The following TEX29 variants were observed in gnomAD, a reference collection of about 807,000 sequenced individuals.
The protein encoded by TEX29 is testis expressed 29.
In TEX29, 26 loss-of-function variants were observed where a neutral mutation model predicts 18.2. That is an observed-to-expected ratio of 1.43 (90% confidence interval 1.04 to 1.98). The LOEUF (loss-of-function observed/expected upper bound fraction) is 1.98, where lower values mean the gene tolerates loss of function less well. Ranked by LOEUF, TEX29 falls within the 30% of genes most tolerant of loss-of-function variation. The pLI, the probability that TEX29 is intolerant of heterozygous loss-of-function variation, is 0.00. For missense variants in TEX29, 177 were observed against 194.2 expected (o/e 0.91, Z 0.53); for synonymous variants, 83 against 78.5 (o/e 1.06, Z -0.31).
chr13:111,339,660 C>T (rs112593851), intron 3 of TEX29, among the ~76,000 whole-genome samples: 11 of 152,226 alleles, frequency 7.2e-5, no homozygotes, highest in African/African-American at 2.6e-4. Flanking sequence ...CACAGGGAGC[C>T]CTCGCCTGCC....
chr13:111,333,919 G>A lies in TEX29; in HGVS notation c.169+5626G>A, dbSNP rs561857876. ...GCTTGACATGTGAGAATTACAATTC[G>A]AGATGAGATTTGAGTGGGTCACAGA... On this transcript the variant is annotated intron_variant, in intron 3 of 5. Coordinates refer to ENST00000283547, the MANE Select transcript of TEX29 (RefSeq NM_152324.3). 1.3e-4 allele frequency among the ~76,000 whole-genome samples: 20 copies of A among 152,286 alleles called. No homozygotes were observed. The East Asian group carries it at 3.9e-3, about 29-fold the overall frequency.
intron 3 of TEX29, among the ~76,000 whole-genome samples, chr13:111,332,158 T>G (rs979006671): frequency 1.3e-5 from 2 of 152,212 alleles, no homozygotes; most frequent in Non-Finnish European, 2.9e-5. Flanking sequence ...CTTAACACAA[T>G]ATTAAGTGTT....
upstream of TEX29, among the ~76,000 whole-genome samples, chr13:111,320,355 G>T (rs1257382632): frequency 6.6e-6 from 1 of 152,234 alleles, no homozygotes; most frequent in Non-Finnish European, 1.5e-5. Flanking sequence ...CACAAAGGAA[G>T]GGAGGGACAG....
intron 2 of TEX29, 52 bp from the exon 3 acceptor site, chr13:111,328,131 A>T (rs2479955): frequency 5.1e-6 from 6 of 1,186,590 alleles, no homozygotes; most frequent in Non-Finnish European, 6.3e-6. Context: ...AGCGGAGAGC[A>T]GAGTGGCTTT....
intron 2 of TEX29, among the ~76,000 whole-genome samples, chr13:111,321,534 C>T (rs1005347687): frequency 7.9e-5 from 12 of 152,166 alleles, no homozygotes; most frequent in Admixed American, 2.6e-4. Context: ...ATGCCACCTT[C>T]CATGGCTCAG....
At chr13:111,340,007 C>A (rs2093695360) in intron 4 of TEX29, 75 bp downstream of exon 4, 3 of 1,447,268 alleles carry the variant, frequency 2.1e-6, no homozygotes, top group Non-Finnish European at 2.9e-6. Flanking sequence ...TTCCTGCCTG[C>A]CTGGGCTCCT....
intron 3 of TEX29, among the ~76,000 whole-genome samples, chr13:111,338,189 C>A (rs2093692241): frequency 6.6e-6 from 1 of 152,098 alleles, no homozygotes; most frequent in Non-Finnish European, 1.5e-5. Context: ...TCCCTGGTAC[C>A]TGTGAATGTG....
At chr13:111,338,276 A>G (rs192231058) in intron 3 of TEX29, among the ~76,000 whole-genome samples, 6 of 152,322 alleles carry the variant, frequency 3.9e-5, no homozygotes, top group African/African-American at 1.4e-4. Flanking sequence ...TGAGCCCTCC[A>G]TCCAAAATGG....
At chr13:111,336,900 G>T (rs1470433719) in intron 3 of TEX29, among the ~76,000 whole-genome samples, 1 of 152,226 alleles carries the variant, frequency 6.6e-6, no homozygotes, top group African/African-American at 2.4e-5. Flanking sequence ...CACGTAGGAA[G>T]ATACGGGAGA....
intron 3 of TEX29, among the ~76,000 whole-genome samples, chr13:111,335,698 G>A (rs72655806): frequency 0.15 from 22,723 of 152,146 alleles, 1,936 homozygotes; most frequent in Non-Finnish European, 0.19. Context: ...AGTGGCAATC[G>A]TTAGCATCCA....
At chr13:111,326,294 C>T (rs113421979) in intron 2 of TEX29, among the ~76,000 whole-genome samples, 2 of 73,206 alleles carry the variant, frequency 2.7e-5, no homozygotes, top group Middle Eastern at 8.9e-3. Flanking sequence ...GAAGAGACTG[C>T]GGGCAGTGTG....
At chr13:111,343,002 C>T (rs1342587197) in intron 5 of TEX29, 71 bp downstream of exon 5, 9 of 1,541,740 alleles carry the variant, frequency 5.8e-6, no homozygotes, top group Admixed American at 3.6e-5. Context: ...GAGACCTTCC[C>T]TGGGAAGGGG....
intron 2 of TEX29, among the ~76,000 whole-genome samples, chr13:111,326,026 G>A (rs1005608219): frequency 1.3e-5 from 2 of 152,206 alleles, no homozygotes; most frequent in African/African-American, 4.8e-5. Context: ...GGTGGGGAGG[G>A]CGCCTGGCAC....
At position 111,344,134 on chromosome 13, in the gene TEX29, T is replaced by G; in HGVS notation, c.*11T>G. The G allele has an allele frequency of 1.2e-6, 2 of 1,611,038 alleles. No homozygotes were observed. Among genetic ancestry groups the G allele is most frequent in the Non-Finnish European group, 1.7e-6 (2 of 1,177,470 alleles). ...GAAACTGAGGACTGACTGAGACGCA[T>G]GAAGAAGTGGAGATTGTCAGAATTA... On this transcript the variant is annotated 3_prime_UTR_variant, in exon 6 of 6. Transcript: ENST00000283547.
chr13:111,339,884 C>A lies in TEX29; in HGVS notation c.191C>A (p.Ala64Asp), dbSNP rs900379735. 11 of 1,610,408 alleles carry A rather than the reference C, an allele frequency of 6.8e-6. No homozygotes were observed. Among genetic ancestry groups the A allele is most frequent in the South Asian group, 2.2e-5 (2 of 91,080 alleles). ...AVPIYIHVFS[A>D]LIVIIAGAFV... is the part of the protein sequence containing the mutation. ...TCAGTTTACATCCACGTGTTCTCTG[C>A]CTTGATTGTGATCATCGCTGGGGCC... Residue 64 changes from alanine (A) to aspartate (D), a missense_variant, in exon 4 of 6, where the codon GCC (alanine) becomes GAC (aspartate). Coordinates refer to ENST00000283547, the MANE Select transcript of TEX29 (RefSeq NM_152324.3).
In TEX29 at chr13:111,320,997, G is replaced by GC. The variant is rs772080929; in HGVS notation, c.58+49_58+50insC. 22 of 1,072,784 alleles carry GC rather than the reference G, an allele frequency of 2.1e-5. No homozygotes were observed. In the East Asian group the frequency reaches 5.3e-4, roughly 26 times the overall value. 66.5% of individuals were successfully genotyped at this position (1,072,784 alleles called of 1,614,324 possible). A position where few individuals can be genotyped will look rare whatever the true frequency, so the allele number is the denominator to read the frequency against. ...GGCGGGTGGGGTGGGGGAGCAGTTG[G>GC]GGGGGGGCACAGGGAGGAGCTGTTT... On this transcript the variant is annotated intron_variant, in intron 2 of 5. Coordinates refer to ENST00000283547, the MANE Select transcript of TEX29 (RefSeq NM_152324.3).
chr13:111,323,259 C>A (rs2093667638), intron 2 of TEX29, among the ~76,000 whole-genome samples: 1 of 152,240 alleles, frequency 6.6e-6, no homozygotes, highest in African/African-American at 2.4e-5. Context: ...GCTCCCAGGG[C>A]ACCATGTTCA....
chr13:111,318,479 C>A (rs533320157), upstream of TEX29, among the ~76,000 whole-genome samples: 2 of 152,212 alleles, frequency 1.3e-5, no homozygotes, highest in Non-Finnish European at 2.9e-5. Flanking sequence ...TCTTCCACGG[C>A]GTGGCCTCTC....
chr13:111,321,004 G>GCC, intron 2 of TEX29, 56 bp downstream of exon 2: 10 of 545,372 alleles, frequency 1.8e-5, no homozygotes, highest in Non-Finnish European at 3.1e-5. Flanking sequence ...TTGGGGGGGG[G>GCC]CACAGGGAGG....
Sources: gnomAD v4.1 joint callset for allele counts (sites outside exome capture counted in the v4.1 genomes callset) on GRCh38, gnomAD v4.1.1 for gene constraint, MANE v1.5 for transcripts, NCBI Gene and HGNC (gene_info 2026-07-23, HGNC 2026-07-21) for gene names.